The following LRP1B variants were observed in gnomAD, a reference collection of about 807,000 sequenced individuals.
LRP1B encodes the protein LDL receptor related protein 1B, also known as low-density lipoprotein receptor-related protein 1B.
In LRP1B, 217 loss-of-function variants were observed where a neutral mutation model predicts 556.6. That is an observed-to-expected ratio of 0.39 (90% confidence interval 0.35 to 0.44). The LOEUF is 0.44. LRP1B is among the 20% of genes least tolerant of loss of function. The pLI, the probability that LRP1B is intolerant of heterozygous loss-of-function variation, is 1.00. For synonymous variants in LRP1B, 2,047 were observed against 1,865.8 expected (o/e 1.10, Z -2.50); for missense variants, 5,053 against 5,620.8 (o/e 0.90, Z 3.23).
chr2:140,911,720 G>T (rs1351773549), intron 21 of LRP1B, among the ~76,000 whole-genome samples: 1 of 151,732 alleles, frequency 6.6e-6, no homozygotes, highest in Non-Finnish European at 1.5e-5. Context: ...ATTTGCAAGA[G>T]TTCAAGAATA....
chr2:140,239,505 A>G lies in LRP1B; in HGVS notation c.13352T>C (p.Val4451Ala), dbSNP rs1353739842. ...TRSIAIIVPL[V>A]LLVTLITTLV... Reference sequence around the variant, plus strand: ...GGTGGTTATCAAAGTCACCAAGAGGACGAGAGGCACAATGATGGCAATGCT... The same window carrying G: ...GGTGGTTATCAAAGTCACCAAGAGGGCGAGAGGCACAATGATGGCAATGCT... Residue 4451 changes from valine to alanine, a missense_variant, in exon 88 of 91, where the codon GTC becomes GCC. Coordinates refer to ENST00000389484, the MANE Select transcript of LRP1B (RefSeq NM_018557.3). The G allele has an allele frequency of 1.2e-6, 2 of 1,605,012 alleles. No homozygotes were observed. The highest frequency in any genetic ancestry group is 2.2e-5 in the South Asian group (2 of 90,528).
chr2:141,632,187 G>T (rs1047879810), intron 2 of LRP1B, among the ~76,000 whole-genome samples: 5 of 152,066 alleles, frequency 3.3e-5, no homozygotes, highest in African/African-American at 9.7e-5. Context: ...GCCTCCCAAA[G>T]TGCTGGGGTA....
intron 7 of LRP1B, among the ~76,000 whole-genome samples, chr2:141,166,539 C>T (rs1680270501): frequency 6.6e-6 from 1 of 151,760 alleles, no homozygotes; most frequent in Non-Finnish European, 1.5e-5. Flanking sequence ...TACAAACATT[C>T]CATTTATACT....
intron 22 of LRP1B, 116 bp from the exon 23 acceptor site, chr2:140,903,281 T>A: frequency 8.2e-7 from 1 of 1,212,720 alleles, no homozygotes; most frequent in Non-Finnish European, 1.1e-6. Flanking sequence ...CAAATGAATA[T>A]AAGAAAGCCC....
In LRP1B at chr2:141,751,055, C is replaced by T. The variant is rs140721592; in HGVS notation, c.205+59224G>A. ...TTTAAGTATATATATAAAAAGGATA[C>T]TATTTTTAACTCTCCCTTTCTGCAG... On this transcript the variant is annotated intron_variant, in intron 2 of 90. Coordinates refer to ENST00000389484, the MANE Select transcript of LRP1B (RefSeq NM_018557.3). Among the ~76,000 whole-genome samples, 43 of 151,806 alleles carry T rather than the reference C, an allele frequency of 2.8e-4. No individual in the cohort carries two copies. In the East Asian group the frequency reaches 8.1e-3, roughly 29 times the overall value.
chr2:140,499,781 G>C (rs908317538), intron 55 of LRP1B, among the ~76,000 whole-genome samples: 1 of 151,902 alleles, frequency 6.6e-6, no homozygotes, highest in Non-Finnish European at 1.5e-5. Flanking sequence ...AAAAGGTACA[G>C]TAAAAATAAT....
intron 83 of LRP1B, among the ~76,000 whole-genome samples, chr2:140,299,845 C>T (rs1157469892): frequency 3.3e-5 from 5 of 151,948 alleles, no homozygotes; most frequent in Non-Finnish European, 7.4e-5. Flanking sequence ...ATAAACAGTG[C>T]GTAAAGTACA....
rs10178835 is a variant in LRP1B, at chr2:141,641,244, T to C, written c.206-160711A>G. Among the ~76,000 whole-genome samples the C allele has an allele frequency of 5.9e-3, 904 of 152,218 alleles. 11 individuals carry two copies. Among genetic ancestry groups the C allele is most frequent in the African/African-American group, 0.021 (854 of 41,518 alleles). On this transcript the variant is annotated intron_variant, in intron 2 of 90. Transcript: ENST00000389484. ...GCTAATAAAGTGCCAGCAATGATAA[T>C]TGCATCATTAAATGTATTTACTGAG...
At chr2:140,311,094 G>T (rs796140009) in intron 83 of LRP1B, among the ~76,000 whole-genome samples, 24 of 151,904 alleles carry the variant, frequency 1.6e-4, no homozygotes, top group African/African-American at 5.3e-4. Flanking sequence ...AATTAGTATA[G>T]CCTCTATGGA....
intron 7 of LRP1B, among the ~76,000 whole-genome samples, chr2:141,109,666 C>CA (rs34120181): frequency 0.27 from 36,434 of 134,246 alleles, 4,760 homozygotes; most frequent in East Asian, 0.54. Flanking sequence ...TACAACCTTG[C>CA]AAAAAAAAAA....
chr2:141,633,714 C>A (rs558938195), intron 2 of LRP1B, among the ~76,000 whole-genome samples: 3 of 151,984 alleles, frequency 2.0e-5, no homozygotes, highest in African/African-American at 7.2e-5. Flanking sequence ...ATTTCCAGAA[C>A]TTTTCATGAT....
At chr2:140,301,042 GATAAA>G (rs1683799184) in intron 83 of LRP1B, among the ~76,000 whole-genome samples, 1 of 151,990 alleles carries the variant, frequency 6.6e-6, no homozygotes, top group African/African-American at 2.4e-5. Flanking sequence ...ATTTATTTAA[GATAAA>G]ATTAAATTTG....
chr2:141,540,558 G>T (rs367922590), intron 2 of LRP1B, among the ~76,000 whole-genome samples: 1 of 151,674 alleles, frequency 6.6e-6, no homozygotes, highest in Admixed American at 6.6e-5. Context: ...AGAGACTTTC[G>T]TTTTTGAGAT....
In LRP1B at chr2:140,378,101, A is replaced by G. The variant is rs1019774148; in HGVS notation, c.10638+79T>C. The G allele has an allele frequency of 1.5e-5, 14 of 926,124 alleles. 1 individual carries two copies. The African/African-American group carries it at 2.3e-4, about 15-fold the overall frequency. 57.4% of individuals were successfully genotyped at this position (926,124 alleles called of 1,614,324 possible). A position where few individuals can be genotyped will look rare whatever the true frequency, so the allele number is the denominator to read the frequency against. Reference sequence around the variant, plus strand: ...AGTATTTCTGAGCTGTCCTTGCCGCACTTATTGGACTGAATAATAATAATT... The same window carrying G: ...AGTATTTCTGAGCTGTCCTTGCCGCGCTTATTGGACTGAATAATAATAATT... On this transcript the variant is annotated intron_variant, in intron 68 of 90. Transcript: ENST00000389484.
At position 140,299,100 on chromosome 2, in the gene LRP1B, G is replaced by C. The variant is rs148272203; in HGVS notation, c.12806-1131C>G. Among the ~76,000 whole-genome samples, 192 of 152,158 alleles carry C rather than the reference G, an allele frequency of 1.3e-3. 1 individual carries two copies. Among genetic ancestry groups the C allele is most frequent in the African/African-American group, 4.4e-3 (181 of 41,552 alleles). On this transcript the variant is annotated intron_variant, in intron 83 of 90. Coordinates refer to ENST00000389484, the MANE Select transcript of LRP1B (RefSeq NM_018557.3). ...TTTCTCTGTCATCTTTGTAGACACA[G>C]AAGTGTAATTAAACTGATTAGAGAA...
intron 2 of LRP1B, among the ~76,000 whole-genome samples, chr2:141,676,131 T>C (rs1399901283): frequency 1.3e-5 from 2 of 152,068 alleles, no homozygotes; most frequent in Admixed American, 1.3e-4. Flanking sequence ...TTGTTATATC[T>C]TTTCTTCTTT....
intron 1 of LRP1B, among the ~76,000 whole-genome samples, chr2:141,875,048 G>A: frequency 6.6e-6 from 1 of 151,696 alleles, no homozygotes; most frequent in Admixed American, 6.6e-5. Flanking sequence ...TACTGCTCAT[G>A]GTAGAAAATA....
intron 17 of LRP1B, among the ~76,000 whole-genome samples, chr2:140,988,264 G>C (rs1293149232): frequency 6.6e-6 from 1 of 151,978 alleles, no homozygotes; most frequent in Non-Finnish European, 1.5e-5. Context: ...GGACTGGATG[G>C]TCTCTGGAGG....
chr2:141,648,849 T>C (rs1273131617), intron 2 of LRP1B, among the ~76,000 whole-genome samples: 1 of 152,218 alleles, frequency 6.6e-6, no homozygotes, highest in African/African-American at 2.4e-5. Context: ...GCTCTTTGAA[T>C]CCATTCTGGT....
Sources: gnomAD v4.1 joint callset for allele counts (sites outside exome capture counted in the v4.1 genomes callset) on GRCh38, gnomAD v4.1.1 for gene constraint, MANE v1.5 for transcripts, NCBI Gene and HGNC (gene_info 2026-07-23, HGNC 2026-07-21) for gene names.